Variants in PCLO observed in about 807,000 individuals in gnomAD.
PCLO encodes the protein protein piccolo.
PCLO carries 82 observed loss-of-function variants against 427.5 expected under a neutral mutation model. That is an observed-to-expected ratio of 0.19 (90% CI 0.16 to 0.23). The LOEUF (loss-of-function observed/expected upper bound fraction) is 0.23. Ranked by LOEUF, PCLO falls within the 10% of genes least tolerant of loss-of-function variation. The pLI, the probability that PCLO is intolerant of heterozygous loss-of-function variation, is 1.00. For synonymous variants in PCLO, 2,357 were observed against 2,155.4 expected (o/e 1.09, Z -2.59); for missense variants, 6,239 against 6,115.9 (o/e 1.02, Z -0.67).
chr7:82,829,105 A>G (rs1226420035), intron 16 of PCLO, among the ~76,000 whole-genome samples: 1 of 152,092 alleles, frequency 6.6e-6, no homozygotes, highest in Non-Finnish European at 1.5e-5. Context: ...TTACCTATAC[A>G]TTGTAGAGAA....
chr7:82,993,950 G>C (rs1216230581), intron 3 of PCLO, among the ~76,000 whole-genome samples: 2 of 151,746 alleles, frequency 1.3e-5, no homozygotes, highest in Non-Finnish European at 2.9e-5. Context: ...ACTAGGCCTT[G>C]TCATAATAAG....
At position 82,826,677 on chromosome 7, in the gene PCLO, G is replaced by C. The variant is rs1327945177; in HGVS notation, c.14344-17C>G. On this transcript the variant is annotated splice_polypyrimidine_tract_variant and intron_variant, in intron 17 of 24. Transcript: ENST00000333891. Reference sequence around the variant, plus strand: ...CTTCTTGAGCTATATAGTTCAAATAGAAATCTAATTAAACCTATCTTTCCA... The same window carrying C: ...CTTCTTGAGCTATATAGTTCAAATACAAATCTAATTAAACCTATCTTTCCA... The C allele has an allele frequency of 6.7e-7, 1 of 1,490,544 alleles. No individual in the cohort carries two copies. The highest frequency in any genetic ancestry group is 9.2e-7 in the Non-Finnish European group (1 of 1,082,406). 92.3% of individuals were successfully genotyped at this position (1,490,544 alleles called of 1,614,324 possible).
At chr7:83,020,322 G>A (rs944521399) in intron 3 of PCLO, among the ~76,000 whole-genome samples, 7 of 152,058 alleles carry the variant, frequency 4.6e-5, no homozygotes, top group Admixed American at 3.3e-4. Context: ...CTTAACTAAT[G>A]TATGGTGACT....
At chr7:83,139,688 T>A (rs1791816835) in intron 2 of PCLO, among the ~76,000 whole-genome samples, 1 of 152,286 alleles carries the variant, frequency 6.6e-6, no homozygotes, top group Non-Finnish European at 1.5e-5. Flanking sequence ...CAACCCCTCA[T>A]CTTTTGTCCT....
intron 3 of PCLO, among the ~76,000 whole-genome samples, chr7:82,983,371 T>A (rs1796190181): frequency 6.6e-6 from 1 of 151,100 alleles, no homozygotes; most frequent in Admixed American, 6.6e-5. Context: ...AAAATATATA[T>A]GTTCCCTCTG....
intron 6 of PCLO, among the ~76,000 whole-genome samples, chr7:82,943,030 C>A (rs1381681050): frequency 3.3e-5 from 5 of 151,920 alleles, no homozygotes; most frequent in Non-Finnish European, 5.9e-5. Context: ...GCCATTATTT[C>A]TTAAATCATT....
chr7:82,971,328 T>C (rs1484365887), intron 3 of PCLO, among the ~76,000 whole-genome samples: 1 of 151,588 alleles, frequency 6.6e-6, no homozygotes, highest in African/African-American at 2.4e-5. Flanking sequence ...TGCCTTAAGG[T>C]TAAGTATCAA....
chr7:82,927,352 A>G (rs952853829), intron 6 of PCLO, among the ~76,000 whole-genome samples: 4 of 152,142 alleles, frequency 2.6e-5, no homozygotes, highest in African/African-American at 9.7e-5. Context: ...CAATTTGTTA[A>G]TTATCATTCT....
chr7:83,075,567 A>G (rs921641128), intron 3 of PCLO, among the ~76,000 whole-genome samples: 4 of 152,168 alleles, frequency 2.6e-5, no homozygotes, highest in African/African-American at 9.7e-5. Context: ...AAATTAAATG[A>G]CACTAAGGAC....
chr7:83,083,005 A>T (rs10257354), intron 3 of PCLO, among the ~76,000 whole-genome samples: 42,396 of 151,308 alleles, frequency 0.28, 6,942 homozygotes, highest in East Asian at 0.55. Context: ...GAATTCTCAT[A>T]AATCAGTGGG....
chr7:82,843,066 G>A (rs1022410141), intron 13 of PCLO, among the ~76,000 whole-genome samples: 4 of 152,024 alleles, frequency 2.6e-5, no homozygotes, highest in Non-Finnish European at 5.9e-5. Flanking sequence ...TATATCCAAA[G>A]GAAACGAGAT....
Position 83,090,174 on chromosome 7 carries a change from C to G in PCLO, c.3300+44076G>C, listed in dbSNP as rs562671485. 7.2e-4 allele frequency among the ~76,000 whole-genome samples: 109 copies of G among 152,010 alleles called. 4 individuals carry two copies. In the South Asian group the frequency reaches 0.022, roughly 31 times the overall value. ...AAAATTAGCTGGGCGTGGTGGTGCA[C>G]GCCTGTAGTCCCAGCTACTAGGGAA... On this transcript the variant is annotated intron_variant, in intron 3 of 24. Coordinates refer to ENST00000333891, the MANE Select transcript of PCLO (RefSeq NM_033026.6).
intron 20 of PCLO, among the ~76,000 whole-genome samples, chr7:82,817,583 T>C (rs920437001): frequency 6.6e-6 from 1 of 152,114 alleles, no homozygotes; most frequent in Non-Finnish European, 1.5e-5. Flanking sequence ...CACAGAGTGA[T>C]GGCTTAGTAA....
chr7:83,162,511 C>G lies in PCLO; in HGVS notation c.82G>C (p.Gly28Arg). Reference protein sequence around the residue: ...AAAAAGGGASGAGSPSHTAIP... With the variant: ...AAAAAGGGASRAGSPSHTAIP... The stretch of plus-strand genomic sequence containing the variant: ...GCGGTGTGAGAGGGGCTCCCCGCCC[C>G]GCTAGCTCCTCCTCCAGCCGCTGCG... Residue 28 changes from glycine to arginine, a missense_variant, in exon 1 of 25, where the codon GGG (glycine) becomes CGG (arginine). By Grantham distance (125) the Gly-to-Arg change is moderately radical. Around this residue, in one of 5 missense-constraint regions of PCLO, gnomAD observed 4,677 missense variants for 4,468.4 expected, o/e 1.05. Coordinates refer to ENST00000333891, the MANE Select transcript of PCLO (RefSeq NM_033026.6). 1 of 1,562,526 alleles carries G rather than the reference C, an allele frequency of 6.4e-7. No homozygotes were observed. The highest frequency in any genetic ancestry group is 8.7e-7 in the Non-Finnish European group (1 of 1,154,262).
intron 3 of PCLO, among the ~76,000 whole-genome samples, chr7:83,021,480 GT>G (rs995424555): frequency 2.0e-5 from 3 of 151,392 alleles, no homozygotes; most frequent in Admixed American, 6.6e-5. Flanking sequence ...GAGATAAAAG[GT>G]TTTTTTTTAA....
At chr7:82,790,639 G>A (rs910057179) in intron 22 of PCLO, among the ~76,000 whole-genome samples, 1 of 152,150 alleles carries the variant, frequency 6.6e-6, no homozygotes, top group African/African-American at 2.4e-5. Flanking sequence ...TCATGAACAT[G>A]TTTGTCTGTC....
intron 3 of PCLO, among the ~76,000 whole-genome samples, chr7:83,039,153 C>T (rs1209903815): frequency 6.6e-6 from 1 of 151,712 alleles, no homozygotes; most frequent in East Asian, 1.9e-4. Context: ...ACACTTTTTC[C>T]CATTTTGTGG....
chr7:83,120,645 G>C (rs965890996), intron 3 of PCLO, among the ~76,000 whole-genome samples: 1 of 152,120 alleles, frequency 6.6e-6, no homozygotes, highest in Non-Finnish European at 1.5e-5. Context: ...TCTGGCAGCA[G>C]ACTTTTTAGT....
chr7:82,889,779 C>G (rs1433058804), intron 9 of PCLO, among the ~76,000 whole-genome samples: 1 of 151,872 alleles, frequency 6.6e-6, no homozygotes, highest in Non-Finnish European at 1.5e-5. Context: ...TAATAAGAAC[C>G]AGTCATTACA....
Sources: allele counts gnomAD v4.1 joint callset (sites outside exome capture counted in the v4.1 genomes callset), GRCh38; gene constraint gnomAD v4.1.1; regional missense constraint gnomAD v4.1.1; transcripts MANE v1.5; gene names NCBI Gene and HGNC (gene_info 2026-07-23, HGNC 2026-07-21).